GPC5: variants seen among roughly 807,000 people sequenced by gnomAD.
GPC5 encodes the protein glypican 5.
Under a neutral mutation model 53.9 loss-of-function variants are expected in GPC5, and 47 were observed. That is an observed-to-expected ratio of 0.87 (90% CI 0.69 to 1.11). The LOEUF (loss-of-function observed/expected upper bound fraction) is 1.11. Among genes scored for constraint, GPC5 ranks in the 50% most tolerant of loss-of-function variants. GPC5 has a pLI of 0.00. For synonymous variants in GPC5, 286 were observed against 263.3 expected (o/e 1.09, Z -0.84); for missense variants, 748 against 713.1 (o/e 1.05, Z -0.56).
At chr13:92,016,549 C>T (rs972089165) in intron 6 of GPC5, among the ~76,000 whole-genome samples, 1 of 152,142 alleles carries the variant, frequency 6.6e-6, no homozygotes, top group Non-Finnish European at 1.5e-5. Context: ...CTTGATTCTA[C>T]ACATATTTAT....
chr13:92,006,998 T>C (rs2040613375), intron 6 of GPC5, among the ~76,000 whole-genome samples: 2 of 152,184 alleles, frequency 1.3e-5, no homozygotes, highest in South Asian at 2.1e-4. Flanking sequence ...AGTTAAGTAT[T>C]AATAATTGAG....
chr13:91,806,313 G>T (rs1294248381), intron 5 of GPC5, among the ~76,000 whole-genome samples: 1 of 151,764 alleles, frequency 6.6e-6, no homozygotes, highest in Admixed American at 6.6e-5. Context: ...AGGATTACAG[G>T]CATGAGCCAC....
intron 6 of GPC5, among the ~76,000 whole-genome samples, chr13:91,983,542 C>T (rs558900431): frequency 1.6e-4 from 25 of 152,250 alleles, no homozygotes; most frequent in African/African-American, 4.8e-4. Context: ...GGAACTAAAA[C>T]TCCAGGACAT....
intron 2 of GPC5, among the ~76,000 whole-genome samples, chr13:91,667,766 T>A (rs116037309): frequency 0.033 from 5,053 of 152,238 alleles, 143 homozygotes; most frequent in African/African-American, 0.066. Context: ...GTAGGGCACA[T>A]GCCCAGTGAT....
At chr13:92,763,808 G>A (rs1382454864) in intron 7 of GPC5, among the ~76,000 whole-genome samples, 1 of 152,162 alleles carries the variant, frequency 6.6e-6, no homozygotes, top group Non-Finnish European at 1.5e-5. Context: ...CACAGCACTG[G>A]CCCAACTCTA....
intron 7 of GPC5, among the ~76,000 whole-genome samples, chr13:92,278,274 A>C (rs1452218574): frequency 6.6e-6 from 1 of 151,984 alleles, no homozygotes; most frequent in Non-Finnish European, 1.5e-5. Context: ...CATTTAAAGC[A>C]GTAATTGCCA....
intron 7 of GPC5, among the ~76,000 whole-genome samples, chr13:92,397,165 T>C (rs1163259388): frequency 6.6e-6 from 1 of 152,210 alleles, no homozygotes; most frequent in Non-Finnish European, 1.5e-5. Flanking sequence ...ATGCATGTGA[T>C]GTGGTTCGTT....
At position 91,734,500 on chromosome 13, in the gene GPC5, G is replaced by A. The variant is rs187884987; in HGVS notation, c.1154+5835G>A. Among the ~76,000 whole-genome samples, 64 of 151,496 alleles carry A rather than the reference G, an allele frequency of 4.2e-4. 1 individual carries two copies. Among genetic ancestry groups the A allele is most frequent in the South Asian group, 8.3e-4 (4 of 4,826 alleles). The stretch of plus-strand genomic sequence containing the variant: ...CCTCTATTTAGACTCACAGGATAAT[G>A]GTATTCTGGGTCTTTGGGATAAAAG... On this transcript the variant is annotated intron_variant, in intron 4 of 7. Transcript: ENST00000377067.
intron 7 of GPC5, among the ~76,000 whole-genome samples, chr13:92,449,476 G>A (rs562953597): frequency 6.6e-6 from 1 of 152,246 alleles, no homozygotes; most frequent in South Asian, 2.1e-4. Flanking sequence ...AAATATGAGT[G>A]TTTATTAATG....
intron 1 of GPC5, among the ~76,000 whole-genome samples, chr13:91,438,974 A>G (rs751922638): frequency 6.6e-6 from 1 of 152,174 alleles, no homozygotes; most frequent in Non-Finnish European, 1.5e-5. Flanking sequence ...TGCGGGATAT[A>G]ATCTCCTGGT....
chr13:92,667,475 G>C (rs973677136), intron 7 of GPC5, among the ~76,000 whole-genome samples: 1 of 152,136 alleles, frequency 6.6e-6, no homozygotes, highest in African/African-American at 2.4e-5. Context: ...CAGTATATTT[G>C]GCACTGTAAG....
chr13:91,817,684 G>A (rs368036615), intron 5 of GPC5, among the ~76,000 whole-genome samples: 4 of 152,066 alleles, frequency 2.6e-5, no homozygotes, highest in Non-Finnish European at 5.9e-5. Context: ...TTGAAAAAGG[G>A]TCAAGATGAA....
intron 7 of GPC5, among the ~76,000 whole-genome samples, chr13:92,750,717 G>GTTAA: frequency 6.6e-6 from 1 of 152,118 alleles, no homozygotes; most frequent in East Asian, 1.9e-4. Flanking sequence ...CCAAAAGAGG[G>GTTAA]TTAATTCTTA....
At chr13:91,793,718 A>G (rs2138754815) in intron 5 of GPC5, among the ~76,000 whole-genome samples, 1 of 152,264 alleles carries the variant, frequency 6.6e-6, no homozygotes, top group East Asian at 1.9e-4. Context: ...GAAACTTACA[A>G]TCATGGGGGA....
intron 7 of GPC5, among the ~76,000 whole-genome samples, chr13:92,416,665 A>G (rs917265582): frequency 2.0e-5 from 3 of 152,218 alleles, no homozygotes; most frequent in Non-Finnish European, 4.4e-5. Flanking sequence ...GATTAGGCAT[A>G]GCCTTATTAG....
intron 7 of GPC5, among the ~76,000 whole-genome samples, chr13:92,431,461 T>C (rs1877081503): frequency 6.6e-6 from 1 of 150,492 alleles, no homozygotes; most frequent in Non-Finnish European, 1.5e-5. Flanking sequence ...GGCTAAATAG[T>C]TGAGGCAACT....
chr13:92,055,404 TATTA>T (rs1377986373), intron 6 of GPC5, among the ~76,000 whole-genome samples: 1 of 152,220 alleles, frequency 6.6e-6, no homozygotes, highest in Admixed American at 6.5e-5. Context: ...GTTTAAGGTT[TATTA>T]ATTATAAATT....
chr13:91,804,316 G>T (rs1394175630), intron 5 of GPC5, among the ~76,000 whole-genome samples: 3 of 151,910 alleles, frequency 2.0e-5, no homozygotes, highest in Admixed American at 2.0e-4. Flanking sequence ...GTTTTCCCAA[G>T]AAATATGCAG....
intron 7 of GPC5, among the ~76,000 whole-genome samples, chr13:92,191,980 A>G (rs1380400785): frequency 6.6e-6 from 1 of 152,222 alleles, no homozygotes; most frequent in Non-Finnish European, 1.5e-5. Flanking sequence ...TCAAGAAATT[A>G]CAAATCAAAC....
Sources: gnomAD v4.1 joint callset for allele counts (sites outside exome capture counted in the v4.1 genomes callset) on GRCh38, gnomAD v4.1.1 for gene constraint, MANE v1.5 for transcripts, NCBI Gene and HGNC (gene_info 2026-07-23, HGNC 2026-07-21) for gene names.